VIT: variants seen among roughly 807,000 people sequenced by gnomAD.
The protein encoded by VIT is vitrin.
Under a neutral mutation model 78.0 loss-of-function variants are expected in VIT, and 99 were observed. That is an observed-to-expected ratio of 1.27 (90% CI 1.08 to 1.50). The LOEUF is 1.50. Ranked by LOEUF, VIT falls within the 40% of genes most tolerant of loss-of-function variation. The probability of loss-of-function intolerance (pLI) is 0.00; values close to 1 mark genes in which losing one functional copy is unlikely to be tolerated. For missense variants in VIT, 1,126 were observed against 875.3 expected, an observed-to-expected ratio of 1.29 and a Z score of -3.61; for synonymous variants, 374 against 334.3, an observed-to-expected ratio of 1.12 and a Z score of -1.29.
chr2:36,755,049 T>A lies in VIT; in HGVS notation c.404T>A (p.Val135Asp). 1 of 1,614,008 alleles carries A rather than the reference T, an allele frequency of 6.2e-7. No individual in the cohort carries two copies. Among genetic ancestry groups the A allele is most frequent in the Non-Finnish European group, 8.5e-7 (1 of 1,179,940 alleles). Residue 135 changes from valine (V) to aspartate (D), a missense_variant, in exon 5 of 16, where the codon GTC becomes GAC. Transcript: ENST00000379242. ...SLPRWRESFIVLESKPKKGVT... is the reference protein window; with the variant it reads ...SLPRWRESFIDLESKPKKGVT... The stretch of plus-strand genomic sequence containing the variant: ...CCACGATGGAGAGAATCCTTTATCG[T>A]CTTAGGTATGACCACACACTGGAGA...
At chr2:36,779,897 A>G (rs532961199) in intron 9 of VIT, among the ~76,000 whole-genome samples, 1 of 150,686 alleles carries the variant, frequency 6.6e-6, no homozygotes, top group Non-Finnish European at 1.5e-5. Context: ...GAAAGTCTTT[A>G]TGACAACCCT....
intron 9 of VIT, among the ~76,000 whole-genome samples, chr2:36,776,586 AG>A (rs1445539165): frequency 6.7e-6 from 1 of 150,348 alleles, no homozygotes; most frequent in Non-Finnish European, 1.5e-5. Context: ...GGATCATTTG[AG>A]CTCAAGAGTT....
chr2:36,754,855 T>C, intron 4 of VIT, 66 bp from the exon 5 acceptor site: 1 of 1,550,896 alleles, frequency 6.4e-7, no homozygotes, highest in South Asian at 1.2e-5. Flanking sequence ...ACTGGTTTTC[T>C]AGCCTGTTGA....
chr2:36,773,788 C>G lies in VIT; in HGVS notation c.680-3C>G, dbSNP rs781121042. On this transcript the variant is annotated splice_region_variant and splice_polypyrimidine_tract_variant and intron_variant, in intron 7 of 15. Coordinates refer to ENST00000379242, the MANE Select transcript of VIT (RefSeq NM_053276.4). ...TGCTCTGACCAGTCAAATGTCCTTA[C>G]AGATCTCTGGTCCACTGCCACCTAC... 4 of 1,592,256 alleles carry G rather than the reference C, an allele frequency of 2.5e-6. No individual in the cohort carries two copies. In the African/African-American group the frequency reaches 5.4e-5, roughly 21 times the overall value.
In VIT at chr2:36,767,202, C is replaced by A; in HGVS notation, c.596C>A (p.Thr199Asn). 1 of 1,609,856 alleles carries A rather than the reference C, an allele frequency of 6.2e-7. No individual in the cohort carries two copies. Among genetic ancestry groups the A allele is most frequent in the Non-Finnish European group, 8.5e-7 (1 of 1,178,348 alleles). The change falls in exon 7 of 16, where the codon ACC becomes AAC. Residue 199 changes from threonine to asparagine, a missense_variant. Coordinates refer to ENST00000379242, the MANE Select transcript of VIT (RefSeq NM_053276.4). ...ACTGTAGCTGTGGCCACCCCCACCA[C>A]CTTGCCAAGGCCATCCCCTTCTGCT... Reference protein sequence around the residue: ...AVTVAVATPTTLPRPSPSAAS... With the variant: ...AVTVAVATPTNLPRPSPSAAS...
intron 6 of VIT, among the ~76,000 whole-genome samples, chr2:36,760,543 T>A (rs1669052793): frequency 6.6e-6 from 1 of 152,166 alleles, no homozygotes; most frequent in Admixed American, 6.5e-5. Context: ...TTCTGAGATA[T>A]CGCTTGTCCT....
At chr2:36,786,163 C>T (rs1665080489) in intron 11 of VIT, among the ~76,000 whole-genome samples, 1 of 151,244 alleles carries the variant, frequency 6.6e-6, no homozygotes, top group African/African-American at 2.5e-5. Context: ...CAACTTTACT[C>T]ACTCTTTTTT....
intron 12 of VIT, among the ~76,000 whole-genome samples, chr2:36,795,236 A>G (rs1012071702): frequency 6.6e-6 from 1 of 152,128 alleles, no homozygotes; most frequent in Non-Finnish European, 1.5e-5. Context: ...TTGTAATTCC[A>G]GGAACTTTTG....
chr2:36,700,824 T>A lies in VIT; in HGVS notation c.-19+3851T>A, dbSNP rs149309637. On this transcript the variant is annotated intron_variant, in intron 1 of 15. Transcript: ENST00000379242. ...CCACTGTTCAAGCCCTTTTCATATA[T>A]CAATTCATTTAACCCTAACAGCAAA... 8.8e-3 allele frequency among the ~76,000 whole-genome samples: 1,335 copies of A among 152,200 alleles called. 9 individuals are homozygous for A. The highest frequency in any genetic ancestry group is 0.044 in the Middle Eastern group (13 of 294).
intron 11 of VIT, among the ~76,000 whole-genome samples, chr2:36,784,290 A>C (rs1216208246): frequency 1.3e-5 from 2 of 152,206 alleles, no homozygotes; most frequent in African/African-American, 4.8e-5. Flanking sequence ...TGCATATGAG[A>C]ATCACCTGAA....
chr2:36,746,307 G>A (rs1047245482), intron 4 of VIT, among the ~76,000 whole-genome samples: 3 of 152,034 alleles, frequency 2.0e-5, no homozygotes, highest in African/African-American at 7.2e-5. Flanking sequence ...GTATCAGGAT[G>A]ATGTTGGCTT....
intron 13 of VIT, among the ~76,000 whole-genome samples, chr2:36,804,390 G>T (rs1334608292): frequency 6.6e-6 from 1 of 152,210 alleles, no homozygotes; most frequent in Non-Finnish European, 1.5e-5. Flanking sequence ...GCCAGCAGGA[G>T]CCTCAGGCTC....
In VIT at chr2:36,808,870, C is replaced by T; in HGVS notation, c.1788C>T (p.Ala596=). 6.2e-7 allele frequency: 1 copy of T among 1,614,176 alleles called. No individual in the cohort carries two copies. Residue 596 remains alanine (A), a synonymous_variant, in exon 15 of 16, where the codon GCC becomes GCT. Coordinates refer to ENST00000379242, the MANE Select transcript of VIT (RefSeq NM_053276.4). ...GTSTGAAINF[A]LEQLFKKSKP... is the part of the protein sequence containing the mutation. ...GCACGGGGGCTGCCATCAACTTCGC[C>T]CTGGAGCAGCTCTTCAAGAAGTCCA...
intron 12 of VIT, among the ~76,000 whole-genome samples, chr2:36,792,203 C>T (rs543710823): frequency 2.0e-5 from 3 of 152,220 alleles, no homozygotes; most frequent in East Asian, 1.9e-4. Context: ...AACAGCTCCC[C>T]GTCACCTGCC....
chr2:36,764,368 G>T (rs1410866155), intron 6 of VIT, among the ~76,000 whole-genome samples: 2 of 152,218 alleles, frequency 1.3e-5, no homozygotes, highest in Admixed American at 6.5e-5. Flanking sequence ...CCGTAAGGAG[G>T]CAATAATGCC....
Position 36,759,554 on chromosome 2 carries a change from C to A in VIT, c.487+508C>A, listed in dbSNP as rs1011863984. 2.8e-6 allele frequency: 3 copies of A among 1,064,878 alleles called. No homozygotes were observed. The Admixed American group carries it at 1.5e-4, about 53-fold the overall frequency. The allele number at this position is 1,064,878 out of a possible 1,614,324, so 66.0% of individuals were successfully genotyped here. The stretch of plus-strand genomic sequence containing the variant: ...AACCACAAAAGGGAGTATCGGTAGA[C>A]CTCAGGCCAAGAAAATACCTTTTTC... On this transcript the variant is annotated intron_variant, in intron 6 of 15. Coordinates refer to ENST00000379242, the MANE Select transcript of VIT (RefSeq NM_053276.4).
intron 12 of VIT, among the ~76,000 whole-genome samples, chr2:36,790,045 T>A (rs1665380710): frequency 6.6e-6 from 1 of 152,178 alleles, no homozygotes; most frequent in Non-Finnish European, 1.5e-5. Context: ...AATTTAGAAC[T>A]TGAAAGACAA....
At chr2:36,803,289 A>G (rs1666463567) in intron 13 of VIT, among the ~76,000 whole-genome samples, 1 of 152,222 alleles carries the variant, frequency 6.6e-6, no homozygotes, top group Non-Finnish European at 1.5e-5. Flanking sequence ...TATCTTCTAA[A>G]TCTCATGCAA....
intron 15 of VIT, 59 bp from the exon 16 acceptor site, chr2:36,814,124 G>C (rs1667390362): frequency 1.3e-6 from 2 of 1,578,842 alleles, no homozygotes; most frequent in South Asian, 2.3e-5. Flanking sequence ...AGAAGAGAGA[G>C]ATTCTTTAGC....
Sources: allele counts gnomAD v4.1 joint callset (sites outside exome capture counted in the v4.1 genomes callset), GRCh38; gene constraint gnomAD v4.1.1; transcripts MANE v1.5; gene names NCBI Gene and HGNC (gene_info 2026-07-23, HGNC 2026-07-21).